The following DSCAML1 variants were observed in gnomAD, a reference collection of about 807,000 sequenced individuals.
DSCAML1 encodes DS cell adhesion molecule like 1, also known as cell adhesion molecule DSCAML1.
DSCAML1 carries 38 observed loss-of-function variants against 200.5 expected under a neutral mutation model. That is an observed-to-expected ratio of 0.19 (90% CI 0.15 to 0.25). The LOEUF (loss-of-function observed/expected upper bound fraction) is 0.25. Ranked by LOEUF, DSCAML1 falls within the 10% of genes least tolerant of loss-of-function variation. The probability of loss-of-function intolerance (pLI) is 1.00; values close to 1 mark genes in which losing one functional copy is unlikely to be tolerated. For missense variants in DSCAML1, 2,223 were observed against 2,858.8 expected (o/e 0.78, Z 5.07); for synonymous variants, 1,215 against 1,165.0 (o/e 1.04, Z -0.87).
upstream of DSCAML1, among the ~76,000 whole-genome samples, chr11:117,797,465 G>A (rs957857612): frequency 6.6e-6 from 1 of 152,244 alleles, no homozygotes; most frequent in African/African-American, 2.4e-5. Context: ...GCCTGTGGTC[G>A]CAGACAGGCA....
intron 3 of DSCAML1, among the ~76,000 whole-genome samples, chr11:117,709,084 A>G (rs2053800374): frequency 6.6e-6 from 1 of 152,196 alleles, no homozygotes; most frequent in African/African-American, 2.4e-5. Context: ...TCTGGGATAA[A>G]CCTAAATAAG....
chr11:117,807,971 G>A lies in DSCAML1; in HGVS notation c.-250+9419C>T, dbSNP rs139440506. On this transcript the variant is annotated intron_variant, in intron 1 of 2. Coordinates refer to the DSCAML1 transcript ENST00000525836. ...CGAGTAGCTGGGACTACAGGTGCAT[G>A]CCACCACACCCAGCTAATTTTTGCA... Among the ~76,000 whole-genome samples, 775 of 152,238 alleles carry A rather than the reference G, an allele frequency of 5.1e-3. 5 individuals carry two copies. The highest frequency in any genetic ancestry group is 0.017 in the African/African-American group (724 of 41,530).
In DSCAML1 at chr11:117,505,253, GACTA is replaced by G. The variant is rs531340922; in HGVS notation, c.2062+197_2062+200del. ...GAGTTCCAGTCCTGCCTTTGCCACTGACTAACTGAGCAAGTGTCTCTCTGCTCAG... is the reference window on the plus strand; with the variant it reads ...GAGTTCCAGTCCTGCCTTTGCCACTGACTGAGCAAGTGTCTCTCTGCTCAG... On this transcript the variant is annotated intron_variant, in intron 9 of 32. Transcript: ENST00000651296. This position sits in a 1 kb window ranked among gnomAD's most constrained non-coding sequence, Gnocchi z 6.7. Among the ~76,000 whole-genome samples the G allele has an allele frequency of 1.0e-3, 155 of 152,254 alleles. No homozygotes were observed. Among genetic ancestry groups the G allele is most frequent in the Non-Finnish European group, 1.6e-3 (111 of 68,024 alleles).
intron 3 of DSCAML1, among the ~76,000 whole-genome samples, chr11:117,536,138 T>G (rs538873452): frequency 3.2e-4 from 48 of 151,464 alleles, no homozygotes; most frequent in Non-Finnish European, 5.9e-4. Flanking sequence ...GAAGGAGAAA[T>G]CAGGGGTATG....
intron 3 of DSCAML1, among the ~76,000 whole-genome samples, chr11:117,619,575 C>T (rs182417783): frequency 6.6e-6 from 1 of 152,106 alleles, no homozygotes; most frequent in East Asian, 1.9e-4. Flanking sequence ...TCTGTAGTTC[C>T]CTTTTCAGCT....
intron 3 of DSCAML1, among the ~76,000 whole-genome samples, chr11:117,546,375 G>A (rs1017270542): frequency 2.6e-5 from 4 of 152,200 alleles, no homozygotes; most frequent in African/African-American, 4.8e-5. Flanking sequence ...TGCACCCAGC[G>A]CAGTGCCTGG....
intron 18 of DSCAML1, 81 bp downstream of exon 18, chr11:117,461,369 A>T: frequency 3.8e-6 from 6 of 1,584,388 alleles, no homozygotes; most frequent in Non-Finnish European, 5.2e-6. Flanking sequence ...GAGGATGCTC[A>T]GCTCTAACTA....
intron 3 of DSCAML1, among the ~76,000 whole-genome samples, chr11:117,659,777 G>C (rs927537681): frequency 6.6e-6 from 1 of 151,958 alleles, no homozygotes; most frequent in African/African-American, 2.4e-5. Flanking sequence ...GGAGTGCAGT[G>C]GTGCAGTCTC....
chr11:117,442,240 GTATGCA>G (rs1399616631), intron 21 of DSCAML1, among the ~76,000 whole-genome samples: 9 of 151,216 alleles, frequency 6.0e-5, no homozygotes, highest in African/African-American at 2.2e-4. Context: ...GTGTGCGTGT[GTATGCA>G]TGTGCATATG....
chr11:117,450,750 G>C (rs1480416957), intron 19 of DSCAML1, 62 bp from the exon 20 acceptor site: 1 of 1,564,030 alleles, frequency 6.4e-7, no homozygotes, highest in Non-Finnish European at 8.7e-7. Context: ...TGGGGAAAAT[G>C]ACAGAGTTGG....
In DSCAML1 at chr11:117,468,763, T is replaced by TGTGTGA. The variant is rs559540990; in HGVS notation, c.3024+1141_3024+1146dup. On this transcript the variant is annotated intron_variant, in intron 16 of 32. Transcript: ENST00000651296. ...GGGAAGGAACCAGGCTGCTGCTATG[T>TGTGTGA]GTGTGAGTGTGAGTGTGAGTGTGCG... is the stretch of plus-strand genomic sequence containing the variant. Among the ~76,000 whole-genome samples, 32 of 152,290 alleles carry TGTGTGA rather than the reference T, an allele frequency of 2.1e-4. No homozygotes were observed. In the South Asian group the frequency reaches 4.4e-3, roughly 21 times the overall value.
At chr11:117,581,987 G>A (rs141530868) in intron 3 of DSCAML1, among the ~76,000 whole-genome samples, 2 of 152,224 alleles carry the variant, frequency 1.3e-5, no homozygotes, top group East Asian at 1.9e-4. Flanking sequence ...ACAGCTTCCT[G>A]TAAGGAGCAC....
intron 1 of DSCAML1, among the ~76,000 whole-genome samples, chr11:117,795,436 G>C (rs1221029293): frequency 7.2e-5 from 11 of 152,142 alleles, no homozygotes. Context: ...AAGAACCTGG[G>C]GAGAGGGAGA....
chr11:117,644,204 A>G (rs1226810464), intron 3 of DSCAML1, among the ~76,000 whole-genome samples: 1 of 152,182 alleles, frequency 6.6e-6, no homozygotes, highest in Non-Finnish European at 1.5e-5. Flanking sequence ...CACCCCCACC[A>G]AGTCTCGAAA....
intron 3 of DSCAML1, among the ~76,000 whole-genome samples, chr11:117,737,962 A>G (rs976934405): frequency 6.6e-6 from 1 of 152,202 alleles, no homozygotes; most frequent in Non-Finnish European, 1.5e-5. Context: ...AGGCAGTGAT[A>G]TGATCAGATC....
chr11:117,768,512 G>T (rs185596399), intron 3 of DSCAML1, among the ~76,000 whole-genome samples: 1 of 152,174 alleles, frequency 6.6e-6, no homozygotes, highest in South Asian at 2.1e-4. Context: ...CAGGTGGTGA[G>T]TAATGATGCC....
At chr11:117,474,912 A>C (rs981454242) in intron 14 of DSCAML1, among the ~76,000 whole-genome samples, 1 of 151,616 alleles carries the variant, frequency 6.6e-6, no homozygotes, top group Non-Finnish European at 1.5e-5. Context: ...ATGCCACCAC[A>C]CCCAGATAAT....
At chr11:117,751,540 G>C (rs1413563005) in intron 3 of DSCAML1, among the ~76,000 whole-genome samples, 1 of 151,958 alleles carries the variant, frequency 6.6e-6, no homozygotes, top group African/African-American at 2.4e-5. Flanking sequence ...TCGGGGCTTG[G>C]ACAGGAAGAC....
At chr11:117,705,388 G>A (rs1313947258) in intron 3 of DSCAML1, among the ~76,000 whole-genome samples, 4 of 152,162 alleles carry the variant, frequency 2.6e-5, no homozygotes, top group Non-Finnish European at 4.4e-5. Context: ...CTTTTGTGAA[G>A]CAAGGTACTT....
Sources: gnomAD v4.1 joint callset for allele counts (sites outside exome capture counted in the v4.1 genomes callset) on GRCh38, gnomAD v4.1.1 for gene constraint, Gnocchi (gnomAD v3.1) non-coding constraint, MANE v1.5 for transcripts, NCBI Gene and HGNC (gene_info 2026-07-23, HGNC 2026-07-21) for gene names.